LDAH: variants seen among roughly 807,000 people sequenced by gnomAD.
LDAH encodes lipid droplet-associated hydrolase.
A neutral mutation model predicts 29.6 loss-of-function variants in LDAH; 26 were observed. The ratio of observed to expected loss-of-function variants is 0.88; its 90% CI spans 0.64 to 1.22. LDAH has a LOEUF of 1.22. LDAH is among the 50% of genes most tolerant of loss of function. The pLI is 0.00. For missense variants in LDAH, 344 were observed against 387.3 expected (o/e 0.89, Z 0.94); for synonymous variants, 117 against 133.0 (o/e 0.88, Z 0.83).
chr2:20,811,288 G>T (rs1362429193), intron 1 of LDAH, among the ~76,000 whole-genome samples: 1 of 151,994 alleles, frequency 6.6e-6, no homozygotes, highest in Admixed American at 6.6e-5. Flanking sequence ...AAAGTGCTGG[G>T]ATTACAGGCG....
At position 20,819,967 on chromosome 2, in the gene LDAH, A is replaced by G. The variant is rs1263515792; in HGVS notation, c.-3+3070T>C. On this transcript the variant is annotated intron_variant, in intron 1 of 6. Transcript: ENST00000237822. Reference sequence around the variant, plus strand: ...AAATCACAAGCATTCTTATACACCAATAACAGACAAACAGAGAGCCAAATC... The same window carrying G: ...AAATCACAAGCATTCTTATACACCAGTAACAGACAAACAGAGAGCCAAATC... Among the ~76,000 whole-genome samples, 7 of 152,176 alleles carry G rather than the reference A, an allele frequency of 4.6e-5. No homozygotes were observed. The South Asian group carries it at 6.2e-4, about 14-fold the overall frequency.
chr2:20,787,501 C>T (rs1255540969), intron 3 of LDAH, among the ~76,000 whole-genome samples: 1 of 152,100 alleles, frequency 6.6e-6, no homozygotes, highest in African/African-American at 2.4e-5. Context: ...GCCATGTTGG[C>T]CAAGCTGGTC....
chr2:20,682,866 T>TA (rs1402299726), downstream of LDAH, among the ~76,000 whole-genome samples: 2 of 152,106 alleles, frequency 1.3e-5, no homozygotes, highest in African/African-American at 4.8e-5. Context: ...GTAATCTGTA[T>TA]AATGGGCATA....
intron 5 of LDAH, among the ~76,000 whole-genome samples, chr2:20,739,754 C>T (rs1235448212): frequency 6.6e-6 from 1 of 152,036 alleles, no homozygotes; most frequent in Non-Finnish European, 1.5e-5. Flanking sequence ...GAATCAGAAA[C>T]ATAAGGTAAA....
Position 20,684,712 on chromosome 2 carries a change from G to C in LDAH, c.*2191C>G. 1 of 661,202 alleles carries C rather than the reference G, an allele frequency of 1.5e-6. No individual in the cohort carries two copies. The highest frequency in any genetic ancestry group is 3.3e-5 in the Admixed American group (1 of 29,952). The allele number at this position is 661,202 out of a possible 1,614,324, so 41.0% of individuals were successfully genotyped here. A position where few individuals can be genotyped will look rare whatever the true frequency, so the allele number is the denominator to read the frequency against. ...ATGCTTATGGCTGGGAACAGACTAG[G>C]AACAAACACGGGTGTGGTCAAAGCT... On this transcript the variant is annotated 3_prime_UTR_variant, in exon 7 of 7. Coordinates refer to ENST00000237822, the MANE Select transcript of LDAH (RefSeq NM_021925.4).
At chr2:20,763,030 A>ATTT (rs1668796942) in intron 4 of LDAH, among the ~76,000 whole-genome samples, 1 of 152,228 alleles carries the variant, frequency 6.6e-6, no homozygotes, top group South Asian at 2.1e-4. Flanking sequence ...AGAACTTAAA[A>ATTT]GATTCCAAAG....
chr2:20,754,496 G>A (rs1383838715), intron 4 of LDAH, among the ~76,000 whole-genome samples: 6 of 38,644 alleles, frequency 1.6e-4, no homozygotes, highest in African/African-American at 1.3e-3. Context: ...AACTACCCTC[G>A]CCACAAAAAA....
intron 5 of LDAH, among the ~76,000 whole-genome samples, chr2:20,725,780 T>A (rs538505636): frequency 9.9e-4 from 150 of 152,208 alleles, no homozygotes; most frequent in African/African-American, 3.4e-3. Context: ...TAATCAGGAG[T>A]AGGCCTTTTG....
At chr2:20,789,036 G>C in intron 3 of LDAH, 1 of 1,274,214 alleles carries the variant, frequency 7.8e-7, no homozygotes, top group Non-Finnish European at 1.1e-6. Context: ...GCCCTGCTTA[G>C]CAGTAACATC....
intron 5 of LDAH, among the ~76,000 whole-genome samples, chr2:20,730,380 C>T (rs147042018): frequency 2.3e-3 from 347 of 152,252 alleles, no homozygotes; most frequent in Middle Eastern, 0.01. Flanking sequence ...AGGTTTTTAA[C>T]TGTCAAACTG....
At chr2:20,786,851 T>G (rs1439850320) in intron 3 of LDAH, among the ~76,000 whole-genome samples, 2 of 152,200 alleles carry the variant, frequency 1.3e-5, no homozygotes, top group Non-Finnish European at 2.9e-5. Context: ...TCCCCCCAGG[T>G]TGGATAAAGC....
At position 20,686,723 on chromosome 2, in the gene LDAH, A is replaced by T; in HGVS notation, c.*180T>A. On this transcript the variant is annotated 3_prime_UTR_variant, in exon 7 of 7. Transcript: ENST00000237822. ...AATGTATGGTTAAACCTATGGAATG[A>T]TTCATCAACTGTGTTTACTTCAGCC... The T allele has an allele frequency of 1.9e-6, 1 of 526,496 alleles. No individual in the cohort carries two copies. Among genetic ancestry groups the T allele is most frequent in the Non-Finnish European group, 3.4e-6 (1 of 297,768 alleles). 32.6% of individuals were successfully genotyped at this position (526,496 alleles called of 1,614,324 possible). A position where few individuals can be genotyped will look rare whatever the true frequency, so the allele number is the denominator to read the frequency against.
At chr2:20,812,454 T>C (rs775117971) in intron 1 of LDAH, among the ~76,000 whole-genome samples, 9 of 152,230 alleles carry the variant, frequency 5.9e-5, no homozygotes, top group Non-Finnish European at 1.3e-4. Flanking sequence ...CATTTTCATC[T>C]GGGTGCCTCA....
chr2:20,779,772 C>A (rs1179028862), intron 3 of LDAH, among the ~76,000 whole-genome samples: 1 of 152,054 alleles, frequency 6.6e-6, no homozygotes, highest in African/African-American at 2.4e-5. Flanking sequence ...TATTTTGCTA[C>A]GTTTTTAAAA....
At chr2:20,812,965 G>C (rs1431988663) in intron 1 of LDAH, among the ~76,000 whole-genome samples, 1 of 152,166 alleles carries the variant, frequency 6.6e-6, no homozygotes, top group Non-Finnish European at 1.5e-5. Flanking sequence ...TGAGAAAATT[G>C]ATTCAAAGAC....
chr2:20,810,763 G>A (rs907592540), intron 1 of LDAH, among the ~76,000 whole-genome samples: 3 of 152,174 alleles, frequency 2.0e-5, no homozygotes, highest in South Asian at 2.1e-4. Context: ...GGAGATAAGC[G>A]GCAAGCAAGC....
chr2:20,742,390 G>C (rs1667242350), intron 4 of LDAH, among the ~76,000 whole-genome samples: 1 of 152,154 alleles, frequency 6.6e-6, no homozygotes, highest in African/African-American at 2.4e-5. Context: ...TTCTGATAAA[G>C]GGGTGTTGAA....
intron 2 of LDAH, among the ~76,000 whole-genome samples, chr2:20,791,031 A>G (rs571200361): frequency 6.6e-6 from 1 of 152,226 alleles, no homozygotes; most frequent in Admixed American, 6.5e-5. Flanking sequence ...ATTTCCATCA[A>G]TATCTATTTC....
At chr2:20,751,494 T>C (rs143208678) in intron 4 of LDAH, among the ~76,000 whole-genome samples, 1 of 152,370 alleles carries the variant, frequency 6.6e-6, no homozygotes, top group East Asian at 1.9e-4. Flanking sequence ...AAACGTAACT[T>C]CTATCTTCAA....
Sources: gnomAD v4.1 joint callset for allele counts (sites outside exome capture counted in the v4.1 genomes callset) on GRCh38, gnomAD v4.1.1 for gene constraint, MANE v1.5 for transcripts, NCBI Gene and HGNC (gene_info 2026-07-23, HGNC 2026-07-21) for gene names.